The following PDE11A variants were observed in gnomAD, a reference collection of about 807,000 sequenced individuals.
The protein encoded by PDE11A is phosphodiesterase 11A.
PDE11A carries 100 observed loss-of-function variants against 100.5 expected under a neutral mutation model. That is an observed-to-expected ratio of 1.00 (90% CI 0.85 to 1.18). The LOEUF (loss-of-function observed/expected upper bound fraction) is 1.18. PDE11A is among the 50% of genes most tolerant of loss of function. The pLI is 0.00. For missense variants in PDE11A, 1,141 were observed against 1,152.6 expected (o/e 0.99, Z 0.15); for synonymous variants, 381 against 420.8 (o/e 0.91, Z 1.16).
In PDE11A at chr2:178,071,819, C is replaced by A. The variant is rs1207896051; in HGVS notation, c.619G>T (p.Glu207Ter). 1 of 1,613,856 alleles carries A rather than the reference C, an allele frequency of 6.2e-7. No individual in the cohort carries two copies. Among genetic ancestry groups the A allele is most frequent in the Non-Finnish European group, 8.5e-7 (1 of 1,179,888 alleles). Residue 207 changes from glutamate (E) to a stop codon, truncating the protein, a stop_gained, in exon 1 of 20, where the codon GAA becomes TAA. Transcript: ENST00000286063. LOFTEE classifies it high-confidence loss of function. ...TCATTGGAGATATCTTTGACCAATT[C>A]CAGAAAGAACTGACGCTCATTATGC... ...KKHNERQFFLELVKDISNDLD... is the reference protein window; with the variant it reads ...KKHNERQFFL
chr2:178,064,680 C>T lies in PDE11A; in HGVS notation c.912+6846G>A, dbSNP rs1023481784. Reference sequence around the variant, plus strand: ...AAAAAAAAAAAAGTAGACACCCTGCCGGGCTCAGTGGCACACATTTATAGT... The same window carrying T: ...AAAAAAAAAAAAGTAGACACCCTGCTGGGCTCAGTGGCACACATTTATAGT... On this transcript the variant is annotated intron_variant, in intron 1 of 19. Coordinates refer to ENST00000286063, the MANE Select transcript of PDE11A (RefSeq NM_016953.4). 5.3e-5 allele frequency among the ~76,000 whole-genome samples: 8 copies of T among 149,836 alleles called. No homozygotes were observed. In the South Asian group the frequency reaches 1.7e-3, roughly 31 times the overall value.
At chr2:177,710,807 G>T (rs1193087781) in intron 13 of PDE11A, among the ~76,000 whole-genome samples, 1 of 152,234 alleles carries the variant, frequency 6.6e-6, no homozygotes, top group African/African-American at 2.4e-5. Flanking sequence ...GAGGAAAAAA[G>T]AGAATGATGA....
intron 2 of PDE11A, among the ~76,000 whole-genome samples, chr2:177,957,918 T>TTTTTTTTTTTTTTTTTTTTTA (rs71010841): frequency 6.7e-6 from 1 of 148,288 alleles, no homozygotes; most frequent in Non-Finnish European, 1.5e-5. Context: ...GCCTTTTTTT[T>TTTTTTTTTTTTTTTTTTTTTA]GAGACGGAGT....
chr2:177,647,491 G>A (rs956235340), intron 19 of PDE11A, among the ~76,000 whole-genome samples: 1 of 152,242 alleles, frequency 6.6e-6, no homozygotes, highest in Non-Finnish European at 1.5e-5. Context: ...TTATATTTGA[G>A]GGTGCCAAAA....
At chr2:178,015,985 A>G (rs1220581461) in intron 1 of PDE11A, among the ~76,000 whole-genome samples, 2 of 151,970 alleles carry the variant, frequency 1.3e-5, no homozygotes, top group South Asian at 2.1e-4. Flanking sequence ...TGCCTATGCT[A>G]TGCTATTCTC....
At chr2:177,663,735 C>A in intron 19 of PDE11A, 131 bp downstream of exon 19, 1 of 703,398 alleles carries the variant, frequency 1.4e-6, no homozygotes, top group Non-Finnish European at 2.6e-6. Context: ...CCAAGAAAGA[C>A]AAACTGCAGC....
At chr2:177,884,591 C>T (rs368183548) in intron 4 of PDE11A, among the ~76,000 whole-genome samples, 7 of 152,156 alleles carry the variant, frequency 4.6e-5, no homozygotes, top group African/African-American at 1.7e-4. Context: ...AGAGGAGAAC[C>T]GCAAGTTAAG....
chr2:177,708,848 C>A (rs2081318295), intron 13 of PDE11A, among the ~76,000 whole-genome samples: 1 of 152,282 alleles, frequency 6.6e-6, no homozygotes, highest in South Asian at 2.1e-4. Context: ...GACACATCTG[C>A]AAGTCAGCAA....
At chr2:177,887,259 A>G (rs1363292401) in intron 4 of PDE11A, among the ~76,000 whole-genome samples, 3 of 152,192 alleles carry the variant, frequency 2.0e-5, no homozygotes, top group Non-Finnish European at 4.4e-5. Context: ...CATAATTAAT[A>G]CAAACAACTA....
intron 5 of PDE11A, among the ~76,000 whole-genome samples, chr2:177,851,442 G>A (rs568433054): frequency 6.6e-6 from 1 of 151,900 alleles, no homozygotes; most frequent in Non-Finnish European, 1.5e-5. Flanking sequence ...GCTAAATTAC[G>A]AGTTAATGGG....
At chr2:177,725,132 T>C (rs2081582134) in intron 12 of PDE11A, among the ~76,000 whole-genome samples, 1 of 152,052 alleles carries the variant, frequency 6.6e-6, no homozygotes, top group Admixed American at 6.6e-5. Flanking sequence ...TGGTAAGAAA[T>C]AGGGCATCAT....
intron 1 of PDE11A, among the ~76,000 whole-genome samples, chr2:178,070,544 A>G (rs2105872166): frequency 6.6e-6 from 1 of 152,352 alleles, no homozygotes; most frequent in African/African-American, 2.4e-5. Flanking sequence ...TTTAATTCTT[A>G]TGAACCCTGA....
At chr2:178,047,406 T>C (rs2105853785) in intron 1 of PDE11A, among the ~76,000 whole-genome samples, 1 of 149,366 alleles carries the variant, frequency 6.7e-6, no homozygotes, top group East Asian at 2.0e-4. Context: ...GAGGTTGCAG[T>C]GAGCCAAGAT....
chr2:177,691,254 G>T (rs1244120485), intron 15 of PDE11A, among the ~76,000 whole-genome samples: 2 of 152,146 alleles, frequency 1.3e-5, no homozygotes, highest in African/African-American at 2.4e-5. Context: ...TAAAGCTACA[G>T]AATTTTCAAC....
intron 2 of PDE11A, among the ~76,000 whole-genome samples, chr2:177,944,165 T>C (rs1353579996): frequency 6.6e-6 from 1 of 152,176 alleles, no homozygotes; most frequent in Non-Finnish European, 1.5e-5. Context: ...TATGGTAATG[T>C]GAAAGCAGGC....
At chr2:177,922,802 T>A in intron 2 of PDE11A, 1 of 984,928 alleles carries the variant, frequency 1.0e-6, no homozygotes, top group Non-Finnish European at 1.2e-6. Flanking sequence ...TTTTCTTGAC[T>A]CATCTTCCAG....
rs574799080 is a variant in PDE11A at position 177,737,517 on chromosome 2, C to T, written c.1789-9345G>A. 4.0e-5 allele frequency among the ~76,000 whole-genome samples: 6 copies of T among 151,134 alleles called. No individual in the cohort carries two copies. The South Asian group carries it at 1.3e-3, about 32-fold the overall frequency. On this transcript the variant is annotated intron_variant, in intron 10 of 19. Coordinates refer to ENST00000286063, the MANE Select transcript of PDE11A (RefSeq NM_016953.4). ...TTGGGAGGCTCAGGCAGGAGAATGG[C>T]ATTAGCCTGGGAGGCGGAGCTTGCA...
At chr2:177,807,511 C>T (rs994408197) in intron 9 of PDE11A, among the ~76,000 whole-genome samples, 1 of 152,130 alleles carries the variant, frequency 6.6e-6, no homozygotes, top group Non-Finnish European at 1.5e-5. Flanking sequence ...GCCTTGACCT[C>T]CTGGGCTCAG....
intron 10 of PDE11A, among the ~76,000 whole-genome samples, chr2:177,732,087 C>T (rs2081700543): frequency 6.6e-6 from 1 of 152,154 alleles, no homozygotes; most frequent in Non-Finnish European, 1.5e-5. Flanking sequence ...CAGAGGGAAG[C>T]CAGCCTTTGG....
Sources: allele counts gnomAD v4.1 joint callset (sites outside exome capture counted in the v4.1 genomes callset), GRCh38; gene constraint gnomAD v4.1.1; transcripts MANE v1.5; gene names NCBI Gene and HGNC (gene_info 2026-07-23, HGNC 2026-07-21).